DOCK5: variants seen among roughly 807,000 people sequenced by gnomAD.
DOCK5 encodes the protein dedicator of cytokinesis 5, also known as dedicator of cytokinesis protein 5.
DOCK5 carries 142 observed loss-of-function variants against 251.8 expected under a neutral mutation model. The observed-to-expected ratio is 0.56, with a 90% CI of 0.49 to 0.65. The LOEUF is 0.65. DOCK5 is among the 30% of genes least tolerant of loss of function. DOCK5 has a pLI of 0.00. For missense variants in DOCK5, 2,111 were observed against 2,312.3 expected (o/e 0.91, Z 1.79); for synonymous variants, 842 against 835.5 (o/e 1.01, Z -0.13).
rs769672373 is a variant in DOCK5, at chr8:25,250,174, G to A, written c.127+6417G>A. Among the ~76,000 whole-genome samples, 3 of 152,256 alleles carry A rather than the reference G, an allele frequency of 2.0e-5. No individual in the cohort carries two copies. In the East Asian group the frequency reaches 5.8e-4, roughly 29 times the overall value. ...ATTGAGCTTTGGCTCCAAAACAGGC[G>A]ACCAGAGTCCAGATGAACGAGCTTC... is the stretch of plus-strand genomic sequence containing the variant. On this transcript the variant is annotated intron_variant, in intron 2 of 51. Transcript: ENST00000276440.
intron 11 of DOCK5, chr8:25,305,053 G>C (rs1385476284): frequency 6.6e-6 from 1 of 152,282 alleles, no homozygotes; most frequent in African/African-American, 2.4e-5. Flanking sequence ...GTCATGACCT[G>C]CTCCAGCACC....
chr8:25,232,451 T>C (rs1802690730), intron 1 of DOCK5, among the ~76,000 whole-genome samples: 1 of 152,222 alleles, frequency 6.6e-6, no homozygotes, highest in Non-Finnish European at 1.5e-5. Flanking sequence ...TCTCATAGAC[T>C]GGGTGGCTAG....
At chr8:25,336,496 G>T (rs1805813390) in intron 22 of DOCK5, 123 bp downstream of exon 22, 1 of 1,284,206 alleles carries the variant, frequency 7.8e-7, no homozygotes, top group East Asian at 2.5e-5. Context: ...CCTTATTTCA[G>T]AACTGCAGGG....
chr8:25,306,693 G>C (rs557078922), intron 11 of DOCK5, among the ~76,000 whole-genome samples: 151 of 145,762 alleles, frequency 1.0e-3, no homozygotes, highest in African/African-American at 3.8e-3. Context: ...GACTCCGTCT[G>C]AAAAAAAAAT....
intron 40 of DOCK5, among the ~76,000 whole-genome samples, chr8:25,383,515 C>T (rs1364347746): frequency 6.6e-6 from 1 of 152,204 alleles, no homozygotes; most frequent in East Asian, 1.9e-4. Context: ...ATGGATTTTA[C>T]AACCTAAACT....
intron 25 of DOCK5, among the ~76,000 whole-genome samples, 184 bp downstream of exon 25, chr8:25,342,691 G>GTTTTTTTTTTTTTTTTTTT (rs1201632677): frequency 2.9e-4 from 21 of 72,072 alleles, no homozygotes; most frequent in South Asian, 6.0e-4. Flanking sequence ...GTTTTTTCTT[G>GTTTTTTTTTTTTTTTTTTT]TTTTTTTTTT....
At chr8:25,254,807 A>AAAAAAAAAT (rs1803376813) in intron 2 of DOCK5, among the ~76,000 whole-genome samples, 1 of 137,816 alleles carries the variant, frequency 7.3e-6, no homozygotes, top group Non-Finnish European at 1.6e-5. Context: ...AAAAAAAAAC[A>AAAAAAAAAT]TTTGATAAAG....
At chr8:25,367,957 A>G (rs934509344) in intron 31 of DOCK5, among the ~76,000 whole-genome samples, 2 of 151,990 alleles carry the variant, frequency 1.3e-5, no homozygotes, top group South Asian at 4.2e-4. Context: ...TGTTAATCTC[A>G]TCTTCTCAGC....
chr8:25,377,225 A>G (rs768619259), intron 37 of DOCK5, 80 bp from the exon 38 acceptor site: 8 of 1,473,806 alleles, frequency 5.4e-6, no homozygotes, highest in Non-Finnish European at 6.3e-6. Flanking sequence ...AATGAGTCAA[A>G]TATATATACA....
intron 13 of DOCK5, among the ~76,000 whole-genome samples, chr8:25,314,467 C>T (rs960729724): frequency 5.3e-5 from 8 of 151,936 alleles, no homozygotes; most frequent in Admixed American, 3.3e-4. Context: ...CCATTTGGAC[C>T]TCATAATTCT....
chr8:25,296,759 C>T (rs1480033912), intron 7 of DOCK5, 111 bp downstream of exon 7: 1 of 1,387,768 alleles, frequency 7.2e-7, no homozygotes, highest in African/African-American at 1.5e-5. Flanking sequence ...TAGTTTTCGT[C>T]CTCATTTTAA....
intron 2 of DOCK5, among the ~76,000 whole-genome samples, chr8:25,264,699 C>T (rs1052035636): frequency 6.6e-6 from 1 of 151,700 alleles, no homozygotes; most frequent in Non-Finnish European, 1.5e-5. Flanking sequence ...TGGTGGCACA[C>T]CTCTGTAATC....
rs140210492 is a variant in DOCK5 at position 25,233,946 on chromosome 8, G to T, written c.44-9728G>T. ...TGTTTCCTCACTGCAATTTCAGTAG[G>T]GTGTGATTCTGGAGTATATAAATAC... On this transcript the variant is annotated intron_variant, in intron 1 of 51. Coordinates refer to ENST00000276440, the MANE Select transcript of DOCK5 (RefSeq NM_024940.8). Among the ~76,000 whole-genome samples the T allele has an allele frequency of 4.0e-3, 616 of 152,236 alleles. 3 individuals carry two copies. The highest frequency in any genetic ancestry group is 0.014 in the African/African-American group (589 of 41,532).
chr8:25,303,778 A>G (rs1804828013), intron 10 of DOCK5, among the ~76,000 whole-genome samples: 1 of 152,118 alleles, frequency 6.6e-6, no homozygotes, highest in Non-Finnish European at 1.5e-5. Flanking sequence ...CCTGGCCAAC[A>G]TGGTGAAACT....
At chr8:25,384,463 A>ATTTTTTTTTT in intron 40 of DOCK5, among the ~76,000 whole-genome samples, 1 of 135,704 alleles carries the variant, frequency 7.4e-6, no homozygotes, top group South Asian at 2.3e-4. Flanking sequence ...TTATTTATTT[A>ATTTTTTTTTT]TTTTTTTTTT....
intron 18 of DOCK5, among the ~76,000 whole-genome samples, chr8:25,331,795 TATATATAGAGAGAGAG>T (rs1053357402): frequency 5.8e-4 from 21 of 36,496 alleles, no homozygotes; most frequent in African/African-American, 1.2e-3. Context: ...TATATATATA[TATATATAGAGAGAGAG>T]AGAGAGAGAG....
At position 25,310,642 on chromosome 8, in the gene DOCK5, G is replaced by A; in HGVS notation, c.1318+110G>A. On this transcript the variant is annotated intron_variant, in intron 13 of 51. Coordinates refer to ENST00000276440, the MANE Select transcript of DOCK5 (RefSeq NM_024940.8). ...GAAGACTTGGTTATTTACATTCATT[G>A]GTCCTGAGACACCTGGGACACAAAC... 4 of 1,312,134 alleles carry A rather than the reference G, an allele frequency of 3.0e-6. 1 individual carries two copies. The South Asian group carries it at 5.1e-5, about 17-fold the overall frequency. 81.3% of individuals were successfully genotyped at this position (1,312,134 alleles called of 1,614,324 possible).
chr8:25,407,048 C>G (rs1042301107), intron 48 of DOCK5, among the ~76,000 whole-genome samples: 3 of 151,928 alleles, frequency 2.0e-5, no homozygotes, highest in Admixed American at 6.5e-5. Context: ...ATCCTTCTTT[C>G]TAAACAATTA....
In DOCK5 at chr8:25,368,631, C is replaced by T. The variant is rs763182905; in HGVS notation, c.3344C>T (p.Thr1115Ile). 8 of 1,613,846 alleles carry T rather than the reference C, an allele frequency of 5.0e-6. No homozygotes were observed. Residue 1115 changes from threonine to isoleucine, a missense_variant, in exon 33 of 52, where the codon ACC (threonine) becomes ATC (isoleucine). Thr to Ile is a moderately conservative substitution (Grantham distance 89, BLOSUM62 -1). This residue lies in a region of DOCK5 where 1,717 missense variants were observed against 1,892.4 expected (regional missense o/e 0.91). Transcript: ENST00000276440. ...GGTCCCATTCTGGAGGTCACTCTGA[C>T]CCCTGAAGTAGAGCTCCGGAAAGCC... ...MVGPILEVTL[T>I]PEVELRKATI... is the part of the protein sequence containing the mutation.
Sources: allele counts gnomAD v4.1 joint callset (sites outside exome capture counted in the v4.1 genomes callset), GRCh38; gene constraint gnomAD v4.1.1; regional missense constraint gnomAD v4.1.1; transcripts MANE v1.5; gene names NCBI Gene and HGNC (gene_info 2026-07-23, HGNC 2026-07-21).